The following SMAD7 variants were observed in gnomAD, a reference collection of about 807,000 sequenced individuals.
SMAD7 encodes the protein SMAD family member 7.
A neutral mutation model predicts 38.7 loss-of-function variants in SMAD7; 8 were observed. That is an observed-to-expected ratio of 0.21 (90% CI 0.12 to 0.37). SMAD7 has a LOEUF of 0.37. SMAD7 is among the 10% of genes least tolerant of loss of function. The pLI is 1.00. For missense variants in SMAD7, 477 were observed against 577.9 expected (o/e 0.83, Z 1.79); for synonymous variants, 327 against 265.1 (o/e 1.23, Z -2.27).
rs1481271268 is a variant in SMAD7, at chr18:48,934,793, C to T, written c.742+7688G>A. Among the ~76,000 whole-genome samples, 5 of 151,636 alleles carry T rather than the reference C, an allele frequency of 3.3e-5. No individual in the cohort carries two copies. In the East Asian group the frequency reaches 9.6e-4, roughly 29 times the overall value. ...AAGGGAAGAAAAAAAAAACACAAAACAGAAAACAGGCTAGCCGTTTCTCAG... is the reference window on the plus strand; with the variant it reads ...AAGGGAAGAAAAAAAAAACACAAAATAGAAAACAGGCTAGCCGTTTCTCAG... On this transcript the variant is annotated intron_variant, in intron 3 of 3. Transcript: ENST00000262158.
intron 2 of SMAD7, among the ~76,000 whole-genome samples, chr18:48,946,581 T>C (rs1156402845): frequency 3.3e-5 from 5 of 152,360 alleles, no homozygotes; most frequent in African/African-American, 1.2e-4. Context: ...AACAAAACGT[T>C]TTGGGTGAGT....
intron 3 of SMAD7, among the ~76,000 whole-genome samples, chr18:48,924,133 A>G (rs1451999974): frequency 1.3e-5 from 2 of 150,066 alleles, no homozygotes; most frequent in Non-Finnish European, 3.0e-5. Context: ...TCTGAAACAC[A>G]AGAAGCTTTT....
chr18:48,937,263 CATGTGTGTGTGTGTGT>C (rs2070078654), intron 3 of SMAD7, among the ~76,000 whole-genome samples: 1 of 69,082 alleles, frequency 1.4e-5, no homozygotes, highest in South Asian at 4.9e-4. Flanking sequence ...TAAGTAAAGG[CATGTGTGTGTGTGTGT>C]GTGTGTGTGT....
rs139969232 is a variant in SMAD7, at chr18:48,921,711, C to G, written c.942G>C (p.Arg314=). ...DNKSQLVQKV[R]SKIGCGIQLT... The stretch of plus-strand genomic sequence containing the variant: ...GCTGGATGCCGCAGCCGATTTTGCT[C>G]CGCACCTTCTGCACCAGCTGACTCT... Residue 314 remains arginine, a synonymous_variant, in exon 4 of 4, where the codon CGG becomes CGC. Coordinates refer to ENST00000262158, the MANE Select transcript of SMAD7 (RefSeq NM_005904.4). This position sits in a 1 kb window ranked among gnomAD's most constrained non-coding sequence, Gnocchi z 6.4. 2 of 1,614,088 alleles carry G rather than the reference C, an allele frequency of 1.2e-6. No homozygotes were observed. Among genetic ancestry groups the G allele is most frequent in the Admixed American group, 1.7e-5 (1 of 60,020 alleles).
chr18:48,922,986 G>A (rs930229682), intron 3 of SMAD7, among the ~76,000 whole-genome samples: 2 of 152,154 alleles, frequency 1.3e-5, no homozygotes, highest in Non-Finnish European at 2.9e-5. Context: ...CCCCGGCGGC[G>A]GGCATTCTGA....
intron 2 of SMAD7, among the ~76,000 whole-genome samples, chr18:48,943,238 C>G (rs2070162276): frequency 2.0e-5 from 3 of 152,192 alleles, no homozygotes; most frequent in Non-Finnish European, 4.4e-5. Flanking sequence ...TCTCTGGAAA[C>G]CTTCCCAGGC....
In SMAD7 at chr18:48,920,305, G is replaced by A. The variant is rs1308687335; in HGVS notation, c.*1067C>T. The A allele has an allele frequency of 6.6e-6, 1 of 152,594 alleles. No homozygotes were observed. The highest frequency in any genetic ancestry group is 1.5e-5 in the Non-Finnish European group (1 of 68,030). The allele number at this position is 152,594 out of a possible 1,614,324, so 9.5% of individuals were successfully genotyped here. A position where few individuals can be genotyped will look rare whatever the true frequency, so the allele number is the denominator to read the frequency against. On this transcript the variant is annotated 3_prime_UTR_variant, in exon 4 of 4. Coordinates refer to ENST00000262158, the MANE Select transcript of SMAD7 (RefSeq NM_005904.4). ...AGAACAGTGTCGAAGTATCATACGA[G>A]TGTATGAGTTGTAGAAGAAATGAAA...
Position 48,949,985 on chromosome 18 carries a change from G to A in SMAD7, c.440C>T (p.Ala147Val), listed in dbSNP as rs765484389. ...GAGCGAGTAGGACGAGGGCGGCTGCGCAGGCTGCGCGCCGGCGGGCGCCCC... is the reference window on the plus strand; with the variant it reads ...GAGCGAGTAGGACGAGGGCGGCTGCACAGGCTGCGCGCCGGCGGGCGCCCC... ...GPGAPAGAQPAQPPSSYSLPL... is the reference protein window; with the variant it reads ...GPGAPAGAQPVQPPSSYSLPL... Residue 147 changes from alanine to valine, a missense_variant, in exon 1 of 4, where the codon GCG (alanine) becomes GTG (valine). Coordinates refer to ENST00000262158, the MANE Select transcript of SMAD7 (RefSeq NM_005904.4). 1 of 1,590,880 alleles carries A rather than the reference G, an allele frequency of 6.3e-7. No individual in the cohort carries two copies. Among genetic ancestry groups the A allele is most frequent in the Non-Finnish European group, 8.6e-7 (1 of 1,169,580 alleles).
rs1162585918 is a variant in SMAD7, at chr18:48,920,096, A to C, written c.*1276T>G. On this transcript the variant is annotated 3_prime_UTR_variant, in exon 4 of 4. Transcript: ENST00000262158. ...CGTCTTTATATTTACAAGTAATAAT[A>C]TATTTATATATAACATAAAATACAT... 1 of 152,358 alleles carries C rather than the reference A, an allele frequency of 6.6e-6. No individual in the cohort carries two copies. The highest frequency in any genetic ancestry group is 1.5e-5 in the Non-Finnish European group (1 of 67,994). The allele number at this position is 152,358 out of a possible 1,614,324, so 9.4% of individuals were successfully genotyped here.
chr18:48,932,384 CG>C (rs1329959657), intron 3 of SMAD7, among the ~76,000 whole-genome samples: 1 of 152,160 alleles, frequency 6.6e-6, no homozygotes, highest in Non-Finnish European at 1.5e-5. Context: ...CAGATCAAAA[CG>C]TAAGAAAGCA....
At chr18:48,935,063 G>A (rs762112775) in intron 3 of SMAD7, among the ~76,000 whole-genome samples, 11 of 152,110 alleles carry the variant, frequency 7.2e-5, no homozygotes, top group Non-Finnish European at 1.5e-4. Context: ...AGTTGGCTTC[G>A]TAAGAAGCCT....
At chr18:48,938,191 A>T (rs1333350672) in intron 3 of SMAD7, among the ~76,000 whole-genome samples, 1 of 152,198 alleles carries the variant, frequency 6.6e-6, no homozygotes, top group East Asian at 1.9e-4. Context: ...CTCCTCTGAG[A>T]CTATGACAGA....
intron 3 of SMAD7, among the ~76,000 whole-genome samples, chr18:48,923,175 G>A (rs1032211145): frequency 2.6e-5 from 4 of 152,224 alleles, no homozygotes; most frequent in South Asian, 2.1e-4. Flanking sequence ...AGGGCCCCAC[G>A]TCGGTCAGGG....
intron 3 of SMAD7, among the ~76,000 whole-genome samples, chr18:48,929,846 C>A (rs1175896005): frequency 3.3e-5 from 5 of 151,962 alleles, no homozygotes; most frequent in African/African-American, 7.3e-5. Flanking sequence ...CCCACCCTAT[C>A]CCCCACAGAT....
chr18:48,935,494 C>T (rs1162096048), intron 3 of SMAD7, among the ~76,000 whole-genome samples: 2 of 152,166 alleles, frequency 1.3e-5, no homozygotes, highest in Non-Finnish European at 2.9e-5. Flanking sequence ...GCCACTGCAG[C>T]CCTAGAACTT....
chr18:48,946,729 A>T (rs931650012), intron 2 of SMAD7, among the ~76,000 whole-genome samples: 3 of 152,122 alleles, frequency 2.0e-5, no homozygotes, highest in African/African-American at 7.2e-5. Context: ...ACCTAATGTC[A>T]ACACTTGCTA....
intron 3 of SMAD7, among the ~76,000 whole-genome samples, chr18:48,928,044 T>C (rs554603820): frequency 8.5e-5 from 13 of 152,348 alleles, no homozygotes; most frequent in Non-Finnish European, 2.9e-5. Context: ...GAACACACTT[T>C]GGAAATGCTG....
In SMAD7 at chr18:48,944,889, TA is replaced by T. The variant is rs559416032; in HGVS notation, c.668-2335del. ...GTGTTATCAAGCACTTGGTAAGCAC[TA>T]GGTTCTGCGAGAGAAAAAGACTCAT... On this transcript the variant is annotated intron_variant, in intron 2 of 3. Coordinates refer to ENST00000262158, the MANE Select transcript of SMAD7 (RefSeq NM_005904.4). Among the ~76,000 whole-genome samples, 16 of 152,288 alleles carry T rather than the reference TA, an allele frequency of 1.1e-4. No homozygotes were observed. In the South Asian group the frequency reaches 2.7e-3, roughly 26 times the overall value.
At position 48,950,920 on chromosome 18, in the gene SMAD7, C is replaced by G. The variant is rs148276899; in HGVS notation, c.-496G>C. Among the ~76,000 whole-genome samples the G allele has an allele frequency of 5.2e-3, 793 of 151,852 alleles. 14 individuals are homozygous for G. Among genetic ancestry groups the G allele is most frequent in the African/African-American group, 0.018 (728 of 41,470 alleles). Reference sequence around the variant, plus strand: ...TTGGAAGAAGGAAAAAGCCTCTTTCCCCCTTGCTAAGCAACTTAATTTGGG... The same window carrying G: ...TTGGAAGAAGGAAAAAGCCTCTTTCGCCCTTGCTAAGCAACTTAATTTGGG... On this transcript the variant is annotated 5_prime_UTR_variant, in exon 1 of 4. Transcript: ENST00000262158.
Sources: allele counts gnomAD v4.1 joint callset (sites outside exome capture counted in the v4.1 genomes callset), GRCh38; gene constraint gnomAD v4.1.1; non-coding constraint Gnocchi (gnomAD v3.1); transcripts MANE v1.5; gene names NCBI Gene and HGNC (gene_info 2026-07-23, HGNC 2026-07-21).